The following GPM6B variants were observed in gnomAD, a reference collection of about 807,000 sequenced individuals.
GPM6B encodes glycoprotein M6B.
A neutral mutation model predicts 27.2 loss-of-function variants in GPM6B; 4 were observed. The ratio of observed to expected loss-of-function variants is 0.15; its 90% CI spans 0.07 to 0.34. The LOEUF is 0.34. Among genes scored for constraint, GPM6B ranks in the 10% least tolerant of loss-of-function variants. GPM6B has a pLI of 1.00. For synonymous variants in GPM6B, 124 were observed against 103.1 expected (o/e 1.20, Z -1.23); for missense variants, 183 against 261.9 (o/e 0.70, Z 2.08).
At chrX:13,809,819 C>T (rs969701832) in intron 1 of GPM6B, among the ~76,000 whole-genome samples, 1 of 107,364 alleles carries the variant, frequency 9.3e-6, no homozygotes, top group African/African-American at 3.4e-5. Context: ...CACTTGTAGT[C>T]CCAGCTACCC....
chrX:13,877,824 C>CAAAAAAAAAAAAAAAAAAAAAAAA (rs761891419), intron 1 of GPM6B, among the ~76,000 whole-genome samples: 5 of 27,466 alleles, frequency 1.8e-4, no homozygotes, highest in Admixed American at 8.1e-4. Flanking sequence ...CAGACTCTGC[C>CAAAAAAAAAAAAAAAAAAAAAAAA]AAAAAAAAAA....
At position 13,889,815 on chromosome X, in the gene GPM6B, C is replaced by G. The variant is rs762058294; in HGVS notation, c.-198+48512G>C. On this transcript the variant is annotated intron_variant, in intron 1 of 6. Transcript: ENST00000398361. ...CCATGAAATAACTACTCCCCATTCC[C>G]CCTGCCAATCACATAATTTTTTTTT... Among the ~76,000 whole-genome samples, 13 of 109,059 alleles carry G rather than the reference C, an allele frequency of 1.2e-4. No homozygotes were observed. The East Asian group carries it at 3.4e-3, about 29-fold the overall frequency. 94.7% of individuals were successfully genotyped at this position (109,059 alleles called of 115,157 possible). A position where few individuals can be genotyped will look rare whatever the true frequency, so the allele number is the denominator to read the frequency against.
At chrX:13,915,220 C>T (rs1358588182) in intron 1 of GPM6B, among the ~76,000 whole-genome samples, 4 of 104,598 alleles carry the variant, frequency 3.8e-5, no homozygotes, top group African/African-American at 1.4e-4. Context: ...AGAGCTGTGA[C>T]TGTACCACTG....
At chrX:13,880,692 G>T (rs1245148342) in intron 1 of GPM6B, among the ~76,000 whole-genome samples, 3 of 63,739 alleles carry the variant, frequency 4.7e-5, no homozygotes, top group Admixed American at 3.8e-4. Flanking sequence ...AAAAAAAAAA[G>T]GCAAATCAGG....
intron 1 of GPM6B, among the ~76,000 whole-genome samples, chrX:13,885,961 A>G (rs1407689632): frequency 8.9e-6 from 1 of 112,650 alleles, no homozygotes; most frequent in Admixed American, 9.4e-5. Context: ...AAAAACTGAC[A>G]TATCTTTTTG....
chrX:13,778,515 A>C (rs189801236), intron 5 of GPM6B, among the ~76,000 whole-genome samples: 10 of 111,838 alleles, frequency 8.9e-5, no homozygotes, highest in Admixed American at 7.6e-4. Context: ...GTGCTTAAAT[A>C]TTAAACACTC....
chrX:13,806,726 A>AT (rs200475212), intron 2 of GPM6B, among the ~76,000 whole-genome samples: 2,151 of 112,533 alleles, frequency 0.019, 48 homozygotes, highest in African/African-American at 0.065. Flanking sequence ...GAGCTGTACC[A>AT]TGCTACATTT....
chrX:13,853,383 C>T (rs977479697), intron 1 of GPM6B, among the ~76,000 whole-genome samples: 2 of 109,859 alleles, frequency 1.8e-5, no homozygotes, highest in African/African-American at 6.6e-5. Context: ...GTGGGTGAAT[C>T]ACTTGAGGTC....
At position 13,877,019 on chromosome X, in the gene GPM6B, T is replaced by C. The variant is rs770100435; in HGVS notation, c.-198+61308A>G. 1.5e-3 allele frequency among the ~76,000 whole-genome samples: 162 copies of C among 111,042 alleles called. 1 individual carries two copies. The highest frequency in any genetic ancestry group is 4.7e-3 in the African/African-American group (145 of 30,533). On this transcript the variant is annotated intron_variant, in intron 1 of 6. Transcript: ENST00000398361. ...TTTCCAGCTGTGTATTTCAGTATCA[T>C]TGCAAGGCCTGGGTCACAGGGCAGG...
intron 1 of GPM6B, among the ~76,000 whole-genome samples, chrX:13,906,839 C>G (rs958767964): frequency 1.8e-5 from 2 of 111,739 alleles, no homozygotes; most frequent in Non-Finnish European, 3.8e-5. Context: ...GGACAATTTT[C>G]ATAAGCTAAT....
intron 2 of GPM6B, among the ~76,000 whole-genome samples, chrX:13,806,960 G>C (rs1403318309): frequency 9.0e-6 from 1 of 111,575 alleles, no homozygotes; most frequent in Non-Finnish European, 1.9e-5. Context: ...GTGGGAGGTT[G>C]GATGTTCATA....
intron 2 of GPM6B, among the ~76,000 whole-genome samples, chrX:13,804,429 G>C (rs1434215498): frequency 5.0e-5 from 4 of 80,091 alleles, no homozygotes; most frequent in South Asian, 1.8e-3. Context: ...GGGGGGGCGG[G>C]GGGCGGGGGT....
At chrX:13,794,137 A>C (rs1050393585) in intron 2 of GPM6B, among the ~76,000 whole-genome samples, 16 of 110,068 alleles carry the variant, frequency 1.5e-4, no homozygotes, top group African/African-American at 4.6e-4. Flanking sequence ...CCTTTAAAGG[A>C]AAGTTTTGCA....
chrX:13,871,084 C>CAAAAACA (rs200103603), intron 1 of GPM6B, among the ~76,000 whole-genome samples: 1 of 57,664 alleles, frequency 1.7e-5, no homozygotes, highest in South Asian at 9.4e-4. Flanking sequence ...AAAACAAAAA[C>CAAAAACA]AAAACAAAAC....
At chrX:13,930,190 C>T (rs1346144571) in intron 1 of GPM6B, among the ~76,000 whole-genome samples, 2 of 111,962 alleles carry the variant, frequency 1.8e-5, no homozygotes, top group Non-Finnish European at 3.8e-5. Context: ...AAAATGTACT[C>T]CTTTTTCATT....
intron 1 of GPM6B, among the ~76,000 whole-genome samples, chrX:13,831,114 T>C (rs184911077): frequency 3.8e-5 from 4 of 105,999 alleles, no homozygotes; most frequent in East Asian, 3.0e-4. Context: ...GATACTATAG[T>C]ACAAGGCAGG....
chrX:13,779,706 G>T, intron 5 of GPM6B, 112 bp downstream of exon 5: 1 of 612,224 alleles, frequency 1.6e-6, no homozygotes, highest in Non-Finnish European at 2.4e-6. Flanking sequence ...CTAATAGAAG[G>T]GATGAAACAG....
At chrX:13,843,082 T>C (rs2049599999) in intron 1 of GPM6B, among the ~76,000 whole-genome samples, 1 of 111,503 alleles carries the variant, frequency 9.0e-6, no homozygotes, top group Non-Finnish European at 1.9e-5. Context: ...TAGCAGTCAA[T>C]CTGTATTCCT....
chrX:13,878,913 C>T (rs148582948), intron 1 of GPM6B, among the ~76,000 whole-genome samples: 2,718 of 111,792 alleles, frequency 0.024, 92 homozygotes, highest in East Asian at 0.21. Context: ...CATGTAGCCT[C>T]TAGAAGGTGG....
Sources: gnomAD v4.1 joint callset for allele counts (sites outside exome capture counted in the v4.1 genomes callset) on GRCh38, gnomAD v4.1.1 for gene constraint, MANE v1.5 for transcripts, NCBI Gene and HGNC (gene_info 2026-07-23, HGNC 2026-07-21) for gene names.